TICRR: variants seen among roughly 807,000 people sequenced by gnomAD.
TICRR encodes the protein treslin.
In TICRR, 132 loss-of-function variants were observed where a neutral mutation model predicts 178.1. The observed-to-expected ratio is 0.74, with a 90% CI of 0.64 to 0.86. The LOEUF (loss-of-function observed/expected upper bound fraction) is 0.86. TICRR is among the 40% of genes least tolerant of loss of function. TICRR has a pLI of 0.00. For synonymous variants in TICRR, 991 were observed against 900.7 expected, an observed-to-expected ratio of 1.10 and a Z score of -1.79; for missense variants, 2,587 against 2,334.3, an observed-to-expected ratio of 1.11 and a Z score of -2.23.
chr15:89,575,984 T>C lies in TICRR; in HGVS notation c.398T>C (p.Leu133Pro). 1.9e-6 allele frequency: 3 copies of C among 1,606,280 alleles called. No individual in the cohort carries two copies. Among genetic ancestry groups the C allele is most frequent in the Non-Finnish European group, 1.7e-6 (2 of 1,177,588 alleles). Residue 133 changes from leucine (L) to proline (P), a missense_variant, in exon 1 of 22, where the codon CTG becomes CCG. Physicochemically the swap from Leu to Pro is moderately conservative, Grantham distance 98. Transcript: ENST00000268138. ...KPILRSSGRR[L>P]LDVESEAKEA... ...ATCCTGCGGAGCAGCGGGAGGAGAC[T>C]GCTGGACGTGGAGAGCGAGGCCAAG...
chr15:89,620,754 ACT>A (rs1344770095), intron 18 of TICRR, among the ~76,000 whole-genome samples: 3 of 151,094 alleles, frequency 2.0e-5, no homozygotes, highest in Admixed American at 6.6e-5. Flanking sequence ...ATGGAGTCTC[ACT>A]CTGTTGCCCA....
In TICRR at chr15:89,623,687, A is replaced by C. The variant is rs371181668; in HGVS notation, c.3377A>C (p.His1126Pro). ...FSKTTPRRIS[H>P]TPQTPLYTPE... is the part of the protein sequence containing the mutation. The stretch of plus-strand genomic sequence containing the variant: ...AAAACTACACCAAGAAGGATCTCTC[A>C]TACACCACAAACTCCGTTGTATACT... The change falls in exon 20 of 22, where the codon CAT becomes CCT. Residue 1126 changes from histidine (H) to proline (P), a missense_variant. Coordinates refer to ENST00000268138, the MANE Select transcript of TICRR (RefSeq NM_152259.4). 1.9e-6 allele frequency: 3 copies of C among 1,614,022 alleles called. No homozygotes were observed.
In TICRR at chr15:89,595,616, T is replaced by C. The variant is rs531293740; in HGVS notation, c.1900+5T>C. On this transcript the variant is annotated splice_donor_5th_base_variant and intron_variant, in intron 7 of 21. Transcript: ENST00000268138. ...TAAGAAGTTCTAAACCTAAAGGTATTCCTCTTAGTCTATAATTTACTCTTT... is the reference window on the plus strand; with the variant it reads ...TAAGAAGTTCTAAACCTAAAGGTATCCCTCTTAGTCTATAATTTACTCTTT... The C allele has an allele frequency of 3.7e-6, 6 of 1,607,792 alleles. No homozygotes were observed. In the African/African-American group the frequency reaches 6.7e-5, roughly 18 times the overall value.
At chr15:89,606,746 T>A in intron 13 of TICRR, 22 bp from the exon 14 acceptor site, 1 of 1,611,344 alleles carries the variant, frequency 6.2e-7, no homozygotes, top group Non-Finnish European at 8.5e-7. Flanking sequence ...AAATTTTCTT[T>A]CTGGATTTTC....
At chr15:89,602,176 G>T (rs1289529916) in intron 12 of TICRR, among the ~76,000 whole-genome samples, 200 bp downstream of exon 12, 3 of 152,138 alleles carry the variant, frequency 2.0e-5, no homozygotes, top group African/African-American at 7.2e-5. Flanking sequence ...GAAATATATA[G>T]TCATGTTTTG....
At position 89,623,642 on chromosome 15, in the gene TICRR, A is replaced by G; in HGVS notation, c.3332A>G (p.Gln1111Arg). The change falls in exon 20 of 22, where the codon CAG becomes CGG. Residue 1111 changes from glutamine (Q) to arginine (R), a missense_variant. Coordinates refer to ENST00000268138, the MANE Select transcript of TICRR (RefSeq NM_152259.4). ...TTTCAGACTCCCAAGAAGAGTCACC[A>G]GAAATCTCTGAGCTTTTCTAAAACT... ...AAYQTPKKSH[Q>R]KSLSFSKTTP... 1 of 1,608,374 alleles carries G rather than the reference A, an allele frequency of 6.2e-7. No homozygotes were observed. The highest frequency in any genetic ancestry group is 8.5e-7 in the Non-Finnish European group (1 of 1,178,000).
chr15:89,588,129 T>A (rs1962852378), intron 4 of TICRR, among the ~76,000 whole-genome samples: 1 of 152,166 alleles, frequency 6.6e-6, no homozygotes, highest in Non-Finnish European at 1.5e-5. Flanking sequence ...CTCTTCCGAT[T>A]GCTTCAGTTT....
At chr15:89,588,116 G>T (rs952477080) in intron 4 of TICRR, among the ~76,000 whole-genome samples, 2 of 152,128 alleles carry the variant, frequency 1.3e-5, no homozygotes, top group African/African-American at 4.8e-5. Flanking sequence ...AGTGTACGGG[G>T]TTCTCTTCCG....
In TICRR at chr15:89,585,723, C is replaced by A; in HGVS notation, c.1192C>A (p.Pro398Thr). The A allele has an allele frequency of 1.2e-6, 2 of 1,613,812 alleles. No homozygotes were observed. Among genetic ancestry groups the A allele is most frequent in the South Asian group, 1.1e-5 (1 of 91,042 alleles). The change falls in exon 4 of 22, where the codon CCT (proline) becomes ACT (threonine). Residue 398 changes from proline (P) to threonine (T), a missense_variant. Coordinates refer to ENST00000268138, the MANE Select transcript of TICRR (RefSeq NM_152259.4). ...EELHLVADVD[P>T]GEGRPPITGV... The stretch of plus-strand genomic sequence containing the variant: ...TCTCACGTAGGTTGCTGATGTGGAC[C>A]CTGGTGAAGGCCGGCCCCCCATCAC...
chr15:89,588,438 T>G (rs1019309464), intron 4 of TICRR, among the ~76,000 whole-genome samples: 1 of 151,848 alleles, frequency 6.6e-6, no homozygotes, highest in Non-Finnish European at 1.5e-5. Context: ...GATTCAAAAG[T>G]GTGAACAGGA....
rs1962598278 is a variant in TICRR at position 89,575,718 on chromosome 15, C to T, written c.132C>T (p.His44=). 1.9e-6 allele frequency: 3 copies of T among 1,609,632 alleles called. No individual in the cohort carries two copies. Among genetic ancestry groups the T allele is most frequent in the Non-Finnish European group, 2.5e-6 (3 of 1,178,942 alleles). The change falls in exon 1 of 22, where the codon CAC becomes CAT. Residue 44 remains histidine, a synonymous_variant. Transcript: ENST00000268138. ...LSCRFGLARV[H]WAFKFFDSQG... The stretch of plus-strand genomic sequence containing the variant: ...GCCGATTCGGCCTGGCCAGGGTCCA[C>T]TGGGCCTTCAAGTTCTTTGACTCGC...
chr15:89,623,252 C>T (rs1380227112), intron 19 of TICRR, among the ~76,000 whole-genome samples: 2 of 152,184 alleles, frequency 1.3e-5, no homozygotes, highest in Non-Finnish European at 2.9e-5. Flanking sequence ...TGAGGTGGCT[C>T]CTGGAGGCTG....
intron 4 of TICRR, among the ~76,000 whole-genome samples, chr15:89,587,407 A>G (rs1176043814): frequency 6.6e-6 from 1 of 152,186 alleles, no homozygotes; most frequent in African/African-American, 2.4e-5. Flanking sequence ...TTTTAAAGCC[A>G]TGAGATGGGT....
At chr15:89,583,271 C>A (rs149011317) in intron 2 of TICRR, among the ~76,000 whole-genome samples, 175 of 152,308 alleles carry the variant, frequency 1.1e-3, no homozygotes, top group Non-Finnish European at 1.8e-3. Flanking sequence ...TATACGATTT[C>A]ATTGCCTCAT....
At chr15:89,602,067 T>C in intron 12 of TICRR, 91 bp downstream of exon 12, 1 of 1,501,470 alleles carries the variant, frequency 6.7e-7, no homozygotes, top group Non-Finnish European at 8.9e-7. Flanking sequence ...TCTTTGTCCA[T>C]ATAATTTGTT....
intron 1 of TICRR, among the ~76,000 whole-genome samples, chr15:89,581,383 G>A (rs1191100826): frequency 1.3e-5 from 2 of 152,136 alleles, no homozygotes; most frequent in Non-Finnish European, 2.9e-5. Context: ...CCCACTTCGA[G>A]ATCCTAGACA....
chr15:89,609,100 CTTTTTTTTTTTTTTTTTTTTTT>C (rs59398617), intron 15 of TICRR, 151 bp downstream of exon 15: 3 of 82,532 alleles, frequency 3.6e-5, no homozygotes, highest in African/African-American at 2.2e-4. Flanking sequence ...TTTTGTTAAT[CTTTTTTTTTTTTTTTTTTTTTT>C]TTTTTTGAGA....
chr15:89,625,263 C>T lies in TICRR; in HGVS notation c.4953C>T (p.His1651=), dbSNP rs952304089. 1.9e-6 allele frequency: 3 copies of T among 1,613,328 alleles called. No individual in the cohort carries two copies. Among genetic ancestry groups the T allele is most frequent in the South Asian group, 1.1e-5 (1 of 91,070 alleles). The stretch of plus-strand genomic sequence containing the variant: ...TCTGCCAGGCCTGTACCCCCACCCA[C>T]GGCCCTTCTAGTACCCCCTCTCCAT... ...TYICQACTPT[H]GPSSTPSPFQ... is the part of the protein sequence containing the mutation. The change falls in exon 20 of 22, where the codon CAC becomes CAT. Residue 1651 remains histidine (H), a synonymous_variant. Transcript: ENST00000268138.
rs201586463 is a variant in TICRR at position 89,584,292 on chromosome 15, A to G, written c.941A>G (p.Lys314Arg). Reference protein sequence around the residue: ...GMLFLPVEAGKEIQETWTVTL... With the variant: ...GMLFLPVEAGREIQETWTVTL... ...AATTAATCTTTATTTCTAGCAGGCA[A>G]AGAGATTCAAGAAACATGGACAGTC... The change falls in exon 3 of 22, where the codon AAA becomes AGA. Residue 314 changes from lysine to arginine, a missense_variant. Physicochemically the swap from Lys to Arg is conservative, Grantham distance 26 (BLOSUM62 2). Coordinates refer to ENST00000268138, the MANE Select transcript of TICRR (RefSeq NM_152259.4). 5 of 1,600,462 alleles carry G rather than the reference A, an allele frequency of 3.1e-6. No individual in the cohort carries two copies. In the South Asian group the frequency reaches 4.5e-5, roughly 14 times the overall value.
Sources: gnomAD v4.1 joint callset for allele counts (sites outside exome capture counted in the v4.1 genomes callset) on GRCh38, gnomAD v4.1.1 for gene constraint, MANE v1.5 for transcripts, NCBI Gene and HGNC (gene_info 2026-07-23, HGNC 2026-07-21) for gene names.